PPP2R2C: variants seen among roughly 807,000 people sequenced by gnomAD.
PPP2R2C encodes protein phosphatase 2, regulatory subunit B, gamma.
Under a neutral mutation model 45.3 loss-of-function variants are expected in PPP2R2C, and 10 were observed. The observed-to-expected ratio is 0.22, with a 90% CI of 0.14 to 0.37. PPP2R2C has a LOEUF of 0.37. Among genes scored for constraint, PPP2R2C ranks in the 10% least tolerant of loss-of-function variants. The pLI, the probability that PPP2R2C is intolerant of heterozygous loss-of-function variation, is 1.00. For missense variants in PPP2R2C, 308 were observed against 619.7 expected, an observed-to-expected ratio of 0.50 and a Z score of 5.34; for synonymous variants, 257 against 245.4, an observed-to-expected ratio of 1.05 and a Z score of -0.44.
intron 1 of PPP2R2C, among the ~76,000 whole-genome samples, chr4:6,554,930 G>GGAAGGAAGGAAGGAAGGAAA (rs1305316211): frequency 1.7e-5 from 2 of 116,192 alleles, no homozygotes; most frequent in African/African-American, 7.7e-5. Context: ...AAGGAAGGAA[G>GGAAGGAAGGAAGGAAGGAAA]GAAAGAAAGA....
At chr4:6,395,263 G>T (rs921499325) in intron 1 of PPP2R2C, among the ~76,000 whole-genome samples, 1 of 152,128 alleles carries the variant, frequency 6.6e-6, no homozygotes, top group African/African-American at 2.4e-5. Flanking sequence ...GGCCAGCCTG[G>T]ACATTCTTCA....
intron 1 of PPP2R2C, among the ~76,000 whole-genome samples, chr4:6,467,013 T>G (rs558748761): frequency 6.6e-6 from 1 of 152,236 alleles, no homozygotes; most frequent in Non-Finnish European, 1.5e-5. Context: ...TACAGCCTCA[T>G]GACAACCCAG....
intron 1 of PPP2R2C, among the ~76,000 whole-genome samples, chr4:6,545,257 A>G (rs1724939781): frequency 1.3e-5 from 2 of 152,238 alleles, no homozygotes; most frequent in South Asian, 4.1e-4. Context: ...ACAACTGCCT[A>G]AGTAAACAAC....
chr4:6,396,895 C>G (rs1017214207), intron 1 of PPP2R2C, among the ~76,000 whole-genome samples: 13 of 151,924 alleles, frequency 8.6e-5, no homozygotes, highest in Non-Finnish European at 1.9e-4. Context: ...CAAAACATTC[C>G]TAAAAATGTA....
chr4:6,535,385 C>A, intron 1 of PPP2R2C: 6 of 1,487,956 alleles, frequency 4.0e-6, no homozygotes, highest in South Asian at 2.5e-5. Flanking sequence ...CTTCTATAAT[C>A]AGAAAAAAAA....
At chr4:6,425,634 G>A (rs1236482021) in intron 1 of PPP2R2C, among the ~76,000 whole-genome samples, 2 of 152,182 alleles carry the variant, frequency 1.3e-5, no homozygotes, top group Non-Finnish European at 2.9e-5. Context: ...AGGCTGCCTG[G>A]GCAGTTGCAA....
intron 1 of PPP2R2C, among the ~76,000 whole-genome samples, chr4:6,556,469 C>A (rs1482916295): frequency 1.3e-5 from 2 of 152,180 alleles, no homozygotes; most frequent in Non-Finnish European, 2.9e-5. Flanking sequence ...GCTCAGGGGA[C>A]TTCTCAGCTC....
intron 2 of PPP2R2C, among the ~76,000 whole-genome samples, chr4:6,527,225 G>A (rs28637289): frequency 0.12 from 18,333 of 152,204 alleles, 1,442 homozygotes; most frequent in African/African-American, 0.21. Flanking sequence ...CTCGCTGAGC[G>A]ACCTTGGCCA....
chr4:6,370,655 A>G (rs1156701599), intron 5 of PPP2R2C, among the ~76,000 whole-genome samples: 1 of 152,158 alleles, frequency 6.6e-6, no homozygotes, highest in Non-Finnish European at 1.5e-5. Flanking sequence ...CTGAGATTGA[A>G]ACACAGAAGA....
chr4:6,349,039 C>G, intron 5 of PPP2R2C: 1 of 985,400 alleles, frequency 1.0e-6, no homozygotes, highest in Non-Finnish European at 1.2e-6. Context: ...TGCTCTTTTC[C>G]TATCCCTTCC....
chr4:6,467,145 G>A (rs567492949), intron 1 of PPP2R2C, among the ~76,000 whole-genome samples: 4 of 152,186 alleles, frequency 2.6e-5, no homozygotes, highest in Admixed American at 6.5e-5. Flanking sequence ...TGTAAGTGGC[G>A]TTTCCAAACA....
chr4:6,321,432 G>T lies in PPP2R2C; in HGVS notation c.*1870C>A, dbSNP rs1731545669. 6.6e-6 allele frequency: 1 copy of T among 152,434 alleles called. No individual in the cohort carries two copies. Among genetic ancestry groups the T allele is most frequent in the African/African-American group, 2.4e-5 (1 of 41,366 alleles). 9.4% of individuals were successfully genotyped at this position (152,434 alleles called of 1,614,324 possible). ...AGAATAGATATGTACATATAATACT[G>T]TCCAGGTCAACTGGATTTTATAGTG... On this transcript the variant is annotated 3_prime_UTR_variant, in exon 9 of 9. Transcript: ENST00000382599.
intron 1 of PPP2R2C, among the ~76,000 whole-genome samples, chr4:6,449,015 G>C (rs950638143): frequency 1.3e-5 from 2 of 152,178 alleles, no homozygotes; most frequent in Admixed American, 6.5e-5. Context: ...GGTGATGCTC[G>C]GCTCAGCGGC....
At chr4:6,350,139 G>C in intron 5 of PPP2R2C, 3 of 985,440 alleles carry the variant, frequency 3.0e-6, no homozygotes, top group East Asian at 2.3e-4. Flanking sequence ...CAGTTTTCCA[G>C]TATGAAAAGA....
chr4:6,361,800 G>C (rs114195884), intron 5 of PPP2R2C, among the ~76,000 whole-genome samples: 1 of 152,210 alleles, frequency 6.6e-6, no homozygotes, highest in African/African-American at 2.4e-5. Context: ...CCACAGCACT[G>C]AGAAGGAGCA....
intron 1 of PPP2R2C, among the ~76,000 whole-genome samples, chr4:6,398,001 G>A (rs1271220695): frequency 6.6e-6 from 1 of 152,214 alleles, no homozygotes; most frequent in Non-Finnish European, 1.5e-5. Flanking sequence ...ACAAGTCTGT[G>A]GTGAACTCAG....
At chr4:6,380,145 A>G (rs1180719216) in intron 2 of PPP2R2C, 1 of 152,402 alleles carries the variant, frequency 6.6e-6, no homozygotes, top group African/African-American at 2.4e-5. Context: ...GTTGCTGGCC[A>G]CTGTCCTGGC....
chr4:6,496,615 AT>A (rs982022968), intron 2 of PPP2R2C, among the ~76,000 whole-genome samples: 1 of 152,220 alleles, frequency 6.6e-6, no homozygotes, highest in Admixed American at 6.5e-5. Flanking sequence ...TAATCCCAAC[AT>A]TTTGAGAGGC....
rs979536042 is a variant in PPP2R2C, at chr4:6,329,194, C to G, written c.1052+68G>C. The G allele has an allele frequency of 6.7e-7, 1 of 1,485,880 alleles. No individual in the cohort carries two copies. The highest frequency in any genetic ancestry group is 1.8e-5 in the Admixed American group (1 of 56,662). 92.0% of individuals were successfully genotyped at this position (1,485,880 alleles called of 1,614,324 possible). On this transcript the variant is annotated intron_variant, in intron 8 of 8. Transcript: ENST00000382599. The surrounding 1 kb of genome is among the most constrained non-coding windows in gnomAD (Gnocchi z 5.8). The stretch of plus-strand genomic sequence containing the variant: ...ATGCTGCGGGTCACCGGAATCCCAG[C>G]CCAGACCCCTGCAGGGCAGAAACCC...
Sources: gnomAD v4.1 joint callset for allele counts (sites outside exome capture counted in the v4.1 genomes callset) on GRCh38, gnomAD v4.1.1 for gene constraint, Gnocchi (gnomAD v3.1) non-coding constraint, MANE v1.5 for transcripts, NCBI Gene and HGNC (gene_info 2026-07-23, HGNC 2026-07-21) for gene names.